Variants in FNIP1 observed in about 807,000 individuals in gnomAD.
FNIP1 encodes the protein folliculin interacting protein 1.
Under a neutral mutation model 124.5 loss-of-function variants are expected in FNIP1, and 40 were observed. The ratio of observed to expected loss-of-function variants is 0.32; its 90% confidence interval spans 0.25 to 0.42. The LOEUF (loss-of-function observed/expected upper bound fraction) is 0.42, where lower values mean the gene tolerates loss of function less well. FNIP1 is among the 10% of genes least tolerant of loss of function. The pLI is 1.00. For missense variants in FNIP1, 1,176 were observed against 1,403.7 expected (o/e 0.84, Z 2.59); for synonymous variants, 472 against 470.6 (o/e 1.00, Z -0.04).
At chr5:131,688,285 A>C (rs1768351393) in intron 11 of FNIP1, among the ~76,000 whole-genome samples, 1 of 141,600 alleles carries the variant, frequency 7.1e-6, no homozygotes, top group Admixed American at 6.7e-5. Flanking sequence ...AGAGGAGTTT[A>C]AAATAAAAAA....
chr5:131,742,065 GT>G (rs1770529937), intron 2 of FNIP1, among the ~76,000 whole-genome samples: 1 of 152,142 alleles, frequency 6.6e-6, no homozygotes, highest in Admixed American at 6.6e-5. Context: ...AGCGAACAGA[GT>G]AAAACAATTT....
Position 131,721,690 on chromosome 5 carries a change from C to T in FNIP1, c.355-2273G>A, listed in dbSNP as rs190507933. Among the ~76,000 whole-genome samples, 519 of 152,246 alleles carry T rather than the reference C, an allele frequency of 3.4e-3. 4 individuals are homozygous for T. Among genetic ancestry groups the T allele is most frequent in the African/African-American group, 0.012 (490 of 41,538 alleles). ...GTGCATGCCTGTAATCCCAGCTACGCGGGAGGCTGAGGCAGGAGAATCGCT... is the reference window on the plus strand; with the variant it reads ...GTGCATGCCTGTAATCCCAGCTACGTGGGAGGCTGAGGCAGGAGAATCGCT... On this transcript the variant is annotated intron_variant, in intron 3 of 17. Transcript: ENST00000510461.
At chr5:131,675,523 A>G (rs1767884571) in intron 13 of FNIP1, among the ~76,000 whole-genome samples, 1 of 152,234 alleles carries the variant, frequency 6.6e-6, no homozygotes, top group South Asian at 2.1e-4. Flanking sequence ...CATGCAATGG[A>G]ATACTACTCA....
intron 1 of FNIP1, among the ~76,000 whole-genome samples, chr5:131,765,726 T>G (rs1047681365): frequency 4.6e-5 from 7 of 152,334 alleles, no homozygotes; most frequent in South Asian, 4.1e-4. Context: ...CAGGTGATAC[T>G]TTCTTCACCT....
intron 8 of FNIP1, among the ~76,000 whole-genome samples, chr5:131,708,545 G>T (rs1769189454): frequency 6.6e-6 from 1 of 152,094 alleles, no homozygotes; most frequent in Non-Finnish European, 1.5e-5. Context: ...GTAAAGCATT[G>T]TTGGCATCCC....
intron 6 of FNIP1, among the ~76,000 whole-genome samples, chr5:131,711,777 T>A (rs1187565946): frequency 6.6e-6 from 1 of 152,252 alleles, no homozygotes; most frequent in Non-Finnish European, 1.5e-5. Context: ...ATTACAGGCA[T>A]GAGCCACTGT....
At position 131,672,910 on chromosome 5, in the gene FNIP1, C is replaced by A. The variant is rs575638728; in HGVS notation, c.1534G>T (p.Ala512Ser). The change falls in exon 14 of 18, where the codon GCT becomes TCT. Residue 512 changes from alanine (A) to serine (S), a missense_variant. Coordinates refer to ENST00000510461, the MANE Select transcript of FNIP1 (RefSeq NM_133372.3). ...GCTAACCGTACGGGAGAGCCAATAG[C>A]GCCATACAAGTCTCCTGTAATGGAA... ...LWAQLGDLYGAIGSPVRLART... is the reference protein window; with the variant it reads ...LWAQLGDLYGSIGSPVRLART... 1.2e-5 allele frequency: 18 copies of A among 1,549,358 alleles called. No individual in the cohort carries two copies. Among genetic ancestry groups the A allele is most frequent in the Non-Finnish European group, 1.6e-5 (18 of 1,151,180 alleles).
chr5:131,787,095 A>G (rs1772242033), intron 1 of FNIP1, among the ~76,000 whole-genome samples: 1 of 152,204 alleles, frequency 6.6e-6, no homozygotes, highest in Non-Finnish European at 1.5e-5. Flanking sequence ...CTCCAGATGT[A>G]CTACCACAAT....
intron 7 of FNIP1, among the ~76,000 whole-genome samples, chr5:131,709,566 T>C (rs1228628795): frequency 6.6e-6 from 1 of 152,164 alleles, no homozygotes; most frequent in African/African-American, 2.4e-5. Flanking sequence ...TAATATACTA[T>C]TAAATGAAAA....
intron 15 of FNIP1, among the ~76,000 whole-genome samples, chr5:131,664,961 C>A (rs40991): frequency 0.79 from 118,728 of 150,998 alleles, 46,888 homozygotes; most frequent in African/African-American, 0.83. Context: ...AAATGATATG[C>A]TTGTGTATTT....
At chr5:131,760,317 GA>G (rs545782922) in intron 1 of FNIP1, among the ~76,000 whole-genome samples, 38 of 151,992 alleles carry the variant, frequency 2.5e-4, no homozygotes, top group Non-Finnish European at 4.6e-4. Flanking sequence ...AAAAAGTATT[GA>G]GAAATACTGG....
intron 1 of FNIP1, among the ~76,000 whole-genome samples, chr5:131,789,126 G>A (rs1339389835): frequency 6.6e-6 from 1 of 152,154 alleles, no homozygotes; most frequent in African/African-American, 2.4e-5. Flanking sequence ...CAATATGGAT[G>A]AGCCTGGAGG....
chr5:131,772,217 A>AT (rs1379995255), intron 1 of FNIP1, among the ~76,000 whole-genome samples: 1 of 152,134 alleles, frequency 6.6e-6, no homozygotes, highest in African/African-American at 2.4e-5. Context: ...AGGGATAAAA[A>AT]TCACATCAGT....
At position 131,733,168 on chromosome 5, in the gene FNIP1, C is replaced by T. The variant is rs564478948; in HGVS notation, c.220-2130G>A. ...TGTATAAGAATGCTTGTGATTTTTG[C>T]ACATTGATTTTGTATCCTGAGACTT... On this transcript the variant is annotated intron_variant, in intron 2 of 17. Transcript: ENST00000510461. 1.1e-3 allele frequency among the ~76,000 whole-genome samples: 164 copies of T among 152,188 alleles called. 1 individual carries two copies. Among genetic ancestry groups the T allele is most frequent in the Admixed American group, 5.2e-4 (8 of 15,270 alleles).
chr5:131,785,173 T>TGTC (rs1772160739), intron 1 of FNIP1, among the ~76,000 whole-genome samples: 1 of 88,534 alleles, frequency 1.1e-5, no homozygotes, highest in Non-Finnish European at 2.6e-5. Context: ...TGACTATATA[T>TGTC]ATATCATATA....
intron 1 of FNIP1, among the ~76,000 whole-genome samples, chr5:131,779,992 C>A (rs923967741): frequency 3.3e-5 from 5 of 150,958 alleles, no homozygotes; most frequent in Non-Finnish European, 7.4e-5. Context: ...TTGAGCCCAG[C>A]AGTTTTGAGA....
intron 2 of FNIP1, among the ~76,000 whole-genome samples, chr5:131,733,016 T>C (rs1486308437): frequency 6.6e-6 from 1 of 152,166 alleles, no homozygotes; most frequent in Non-Finnish European, 1.5e-5. Context: ...GAGCAGTGGT[T>C]TGTAGTTCTC....
chr5:131,738,239 C>T (rs181340370), intron 2 of FNIP1, among the ~76,000 whole-genome samples: 2 of 152,162 alleles, frequency 1.3e-5, no homozygotes, highest in Admixed American at 6.5e-5. Context: ...TTTTATTAAA[C>T]GTGTCATATC....
chr5:131,753,392 T>C (rs543552022), intron 1 of FNIP1, among the ~76,000 whole-genome samples: 147 of 152,350 alleles, frequency 9.6e-4, no homozygotes, highest in African/African-American at 3.4e-3. Context: ...CTACGATATA[T>C]TCCTACATTG....
Sources: allele counts gnomAD v4.1 joint callset (sites outside exome capture counted in the v4.1 genomes callset), GRCh38; gene constraint gnomAD v4.1.1; transcripts MANE v1.5; gene names NCBI Gene and HGNC (gene_info 2026-07-23, HGNC 2026-07-21).